The following SYNPO2 variants were observed in gnomAD, a reference collection of about 807,000 sequenced individuals.
SYNPO2 encodes the protein synaptopodin-2.
A neutral mutation model predicts 85.0 loss-of-function variants in SYNPO2; 56 were observed. The ratio of observed to expected loss-of-function variants is 0.66; its 90% CI spans 0.53 to 0.82. The LOEUF (loss-of-function observed/expected upper bound fraction) is 0.82. Ranked by LOEUF, SYNPO2 falls within the 40% of genes least tolerant of loss-of-function variation. The probability of loss-of-function intolerance (pLI) is 0.00; values close to 1 mark genes in which losing one functional copy is unlikely to be tolerated. For missense variants in SYNPO2, 1,575 were observed against 1,534.2 expected, an observed-to-expected ratio of 1.03 and a Z score of -0.44; for synonymous variants, 602 against 591.1, an observed-to-expected ratio of 1.02 and a Z score of -0.27.
intron 1 of SYNPO2, among the ~76,000 whole-genome samples, chr4:119,018,339 T>C (rs1215027001): frequency 6.6e-6 from 1 of 152,198 alleles, no homozygotes; most frequent in East Asian, 1.9e-4. Flanking sequence ...CTTTATCCAC[T>C]CATCCACTGA....
At chr4:119,050,020 A>G (rs1738986454) in intron 4 of SYNPO2, among the ~76,000 whole-genome samples, 1 of 152,046 alleles carries the variant, frequency 6.6e-6, no homozygotes, top group South Asian at 2.1e-4. Context: ...CATGGTTTTG[A>G]ATCTTTTTTT....
At chr4:118,954,965 A>C (rs1213961921) in intron 1 of SYNPO2, among the ~76,000 whole-genome samples, 6 of 150,924 alleles carry the variant, frequency 4.0e-5, no homozygotes, top group Non-Finnish European at 2.9e-5. Flanking sequence ...AATGACTTGC[A>C]CCAGACAGTC....
intron 1 of SYNPO2, among the ~76,000 whole-genome samples, chr4:118,875,073 CAT>C (rs1731879027): frequency 6.6e-6 from 1 of 152,176 alleles, no homozygotes; most frequent in Non-Finnish European, 1.5e-5. Flanking sequence ...ATGTTCTCAT[CAT>C]TCAGCTCCCA....
chr4:118,880,449 A>G (rs1337939383), intron 1 of SYNPO2, among the ~76,000 whole-genome samples: 1 of 152,180 alleles, frequency 6.6e-6, no homozygotes, highest in Non-Finnish European at 1.5e-5. Context: ...GATTTTGTTC[A>G]TTTCAAATCA....
intron 1 of SYNPO2, among the ~76,000 whole-genome samples, chr4:118,969,859 C>A (rs975057183): frequency 6.7e-6 from 1 of 149,772 alleles, no homozygotes; most frequent in Non-Finnish European, 1.5e-5. Context: ...GAGATGAGAA[C>A]CTGGCCTCTT....
intron 4 of SYNPO2, chr4:119,035,220 A>C: frequency 8.1e-6 from 8 of 985,398 alleles, no homozygotes; most frequent in Non-Finnish European, 9.6e-6. Flanking sequence ...CCCCTTAATC[A>C]TGTGTCAAAC....
chr4:118,901,529 A>C (rs1320377980), intron 1 of SYNPO2, among the ~76,000 whole-genome samples: 1 of 152,232 alleles, frequency 6.6e-6, no homozygotes, highest in Non-Finnish European at 1.5e-5. Flanking sequence ...ACAGGCGAAG[A>C]GTCAGCTCTG....
chr4:118,978,950 G>A (rs1735899189), intron 1 of SYNPO2, among the ~76,000 whole-genome samples: 1 of 152,024 alleles, frequency 6.6e-6, no homozygotes, highest in Admixed American at 6.6e-5. Context: ...AATAACACTG[G>A]CCCGCACACA....
At chr4:118,941,143 C>T (rs1209706576) in intron 1 of SYNPO2, among the ~76,000 whole-genome samples, 1 of 152,158 alleles carries the variant, frequency 6.6e-6, no homozygotes, top group Non-Finnish European at 1.5e-5. Context: ...GGATTCTCTT[C>T]CTGGGTTCTT....
At chr4:119,026,270 G>A (rs2149187131) in intron 2 of SYNPO2, among the ~76,000 whole-genome samples, 1 of 152,264 alleles carries the variant, frequency 6.6e-6, no homozygotes, top group South Asian at 2.1e-4. Context: ...ATAAGACATT[G>A]AAATGCTTTG....
At position 119,059,204 on chromosome 4, in the gene SYNPO2, T is replaced by C. The variant is rs1014434684; in HGVS notation, c.*1270T>C. 3.3e-5 allele frequency: 5 copies of C among 152,246 alleles called. No individual in the cohort carries two copies. The highest frequency in any genetic ancestry group is 5.9e-5 in the Non-Finnish European group (4 of 68,048). The allele number at this position is 152,246 out of a possible 1,614,324, so 9.4% of individuals were successfully genotyped here. A position where few individuals can be genotyped will look rare whatever the true frequency, so the allele number is the denominator to read the frequency against. ...AATTGTTAGGCGGCAGGCTTTGTGT[T>C]ACGTGTTACATGGAGTGAGGGTAGA... On this transcript the variant is annotated 3_prime_UTR_variant, in exon 5 of 5. Transcript: ENST00000307142.
intron 4 of SYNPO2, chr4:119,043,937 C>CAAAAAAA (rs34238900): frequency 4.4e-5 from 3 of 67,880 alleles, no homozygotes; most frequent in Non-Finnish European, 7.6e-5. Flanking sequence ...GACTCCGTCT[C>CAAAAAAA]AAAAAAAAAA....
Position 119,030,044 on chromosome 4 carries a change from G to A in SYNPO2, c.1269G>A (p.Glu423=), listed in dbSNP as rs776366229. 1 of 1,614,140 alleles carries A rather than the reference G, an allele frequency of 6.2e-7. No homozygotes were observed. Among genetic ancestry groups the A allele is most frequent in the South Asian group, 1.1e-5 (1 of 91,076 alleles). The change falls in exon 4 of 5, where the codon GAG becomes GAA. Residue 423 remains glutamate (E), a synonymous_variant. Transcript: ENST00000307142. ...GCGAGCTTGAGCGAGAGGCGGACGA[G>A]GAGGAAGAAGGTGACAAGGAGGATA... ...GTGELEREAD[E]EEEGDKEDTC... is the part of the protein sequence containing the mutation.
chr4:119,034,658 A>G, intron 4 of SYNPO2: 1 of 985,500 alleles, frequency 1.0e-6, no homozygotes, highest in African/African-American at 1.7e-5. Flanking sequence ...AACAATATCC[A>G]CAACAAAGTC....
chr4:118,872,506 T>C (rs1269984808), intron 1 of SYNPO2, among the ~76,000 whole-genome samples: 2 of 152,198 alleles, frequency 1.3e-5, no homozygotes, highest in East Asian at 3.9e-4. Flanking sequence ...ATGGCAAGAA[T>C]AGTTTTTTTT....
At chr4:118,871,860 C>A (rs536918254) in intron 1 of SYNPO2, among the ~76,000 whole-genome samples, 1 of 152,220 alleles carries the variant, frequency 6.6e-6, no homozygotes, top group Admixed American at 6.5e-5. Context: ...TGAGCCACCG[C>A]ACCTGGCCTA....
At chr4:119,032,478 G>A (rs952249268) in intron 4 of SYNPO2, 2 of 1,037,716 alleles carry the variant, frequency 1.9e-6, no homozygotes, top group South Asian at 3.7e-5. Flanking sequence ...TCCCTTTTAG[G>A]TAGTGCCTTA....
intron 1 of SYNPO2, among the ~76,000 whole-genome samples, chr4:119,021,109 G>A (rs1226766766): frequency 6.6e-6 from 1 of 152,062 alleles, no homozygotes; most frequent in African/African-American, 2.4e-5. Flanking sequence ...GTCAGCAGTG[G>A]GGAAGGCTTT....
intron 1 of SYNPO2, among the ~76,000 whole-genome samples, chr4:118,921,355 A>G (rs1733526064): frequency 6.6e-6 from 1 of 152,192 alleles, no homozygotes; most frequent in South Asian, 2.1e-4. Context: ...TGATACCATC[A>G]TATCTTTAGT....
Sources: allele counts gnomAD v4.1 joint callset (sites outside exome capture counted in the v4.1 genomes callset), GRCh38; gene constraint gnomAD v4.1.1; transcripts MANE v1.5; gene names NCBI Gene and HGNC (gene_info 2026-07-23, HGNC 2026-07-21).